The following SEMA4B variants were observed in gnomAD, a reference collection of about 807,000 sequenced individuals.
SEMA4B encodes semaphorin 4B.
In SEMA4B, 55 loss-of-function variants were observed where a neutral mutation model predicts 88.1. The observed-to-expected ratio is 0.62, with a 90% CI of 0.50 to 0.78. The LOEUF (loss-of-function observed/expected upper bound fraction) is 0.78. Among genes scored for constraint, SEMA4B ranks in the 30% least tolerant of loss-of-function variants. SEMA4B has a pLI of 0.00. For synonymous variants in SEMA4B, 525 were observed against 473.6 expected, an observed-to-expected ratio of 1.11 and a Z score of -1.41; for missense variants, 1,062 against 1,111.9, an observed-to-expected ratio of 0.96 and a Z score of 0.64.
rs1370442865 is a variant in SEMA4B, at chr15:90,225,084, G to A, written c.1311G>A (p.Met437Ile). 1 of 1,613,500 alleles carries A rather than the reference G, an allele frequency of 6.2e-7. No homozygotes were observed. The highest frequency in any genetic ancestry group is 2.2e-5 in the East Asian group (1 of 44,896). ...TGGACGGGCAGGTCCGAAGCCGCAT[G>A]CTGCTGCTGCAGCCCCAGGCTCGCT... ...FLMDGQVRSRMLLLQPQARYQ... is the reference protein window; with the variant it reads ...FLMDGQVRSRILLLQPQARYQ... Residue 437 changes from methionine (M) to isoleucine (I), a missense_variant, in exon 10 of 14, where the codon ATG (methionine) becomes ATA (isoleucine). Met to Ile is a conservative substitution (Grantham distance 10, BLOSUM62 1). Coordinates refer to ENST00000411539, the MANE Select transcript of SEMA4B (RefSeq NM_198925.4).
At chr15:90,197,378 A>G (rs1960544426), upstream of SEMA4B, among the ~76,000 whole-genome samples, 1 of 152,012 alleles carries the variant, frequency 6.6e-6, no homozygotes, top group African/African-American at 2.4e-5. Context: ...TGACAGAGTG[A>G]GACCCTCTCT....
chr15:90,185,349 A>G (rs1348493408), intron 1 of SEMA4B, among the ~76,000 whole-genome samples: 1 of 152,008 alleles, frequency 6.6e-6, no homozygotes, highest in Non-Finnish European at 1.5e-5. Context: ...CCAGTGCACC[A>G]CCCCTACTCC....
At chr15:90,208,833 C>T (rs566608362) in intron 1 of SEMA4B, among the ~76,000 whole-genome samples, 66 of 152,020 alleles carry the variant, frequency 4.3e-4, no homozygotes, top group South Asian at 4.2e-3. Context: ...CCTCCACCTC[C>T]CAGGCTTAAG....
At chr15:90,202,752 A>G (rs1210131571) in intron 1 of SEMA4B, among the ~76,000 whole-genome samples, 1 of 152,196 alleles carries the variant, frequency 6.6e-6, no homozygotes, top group Non-Finnish European at 1.5e-5. Flanking sequence ...TGGTTGTCAT[A>G]TTGTATGACT....
At chr15:90,196,545 G>A (rs1377412474), upstream of SEMA4B, among the ~76,000 whole-genome samples, 1 of 152,036 alleles carries the variant, frequency 6.6e-6, no homozygotes, top group East Asian at 1.9e-4. Context: ...GGAGTGCAGT[G>A]GCGTGATCTC....
Position 90,214,633 on chromosome 15 carries a change from C to CAAAAAAAA in SEMA4B, c.158-2792_158-2785dup, listed in dbSNP as rs766089827. ...GGGCAACAACAGCAAAACACCATCT[C>CAAAAAAAA]AAAAAAAAAAAAAAAAAAAAAGGCT... is the stretch of plus-strand genomic sequence containing the variant. On this transcript the variant is annotated intron_variant, in intron 1 of 13. Transcript: ENST00000411539. Among the ~76,000 whole-genome samples, 7 of 94,272 alleles carry CAAAAAAAA rather than the reference C, an allele frequency of 7.4e-5. 3 individuals are homozygous for CAAAAAAAA. Among genetic ancestry groups the CAAAAAAAA allele is most frequent in the African/African-American group, 1.3e-4 (3 of 23,930 alleles). The allele number at this position is 94,272 out of a possible 152,430, so 61.8% of individuals were successfully genotyped here.
At position 90,194,699 on chromosome 15, in the gene SEMA4B, C is replaced by G. The variant is rs375813225; in HGVS notation, c.-121-6759C>G. Among the ~76,000 whole-genome samples, 3 of 152,268 alleles carry G rather than the reference C, an allele frequency of 2.0e-5. No homozygotes were observed. In the East Asian group the frequency reaches 5.8e-4, roughly 29 times the overall value. ...TATAGGTGTGAGCCACCGTGCCTGG[C>G]TGTCACCCATTTTTGTTTAATCACT... On this transcript the variant is annotated intron_variant, in intron 1 of 14. Coordinates refer to the SEMA4B transcript ENST00000332496.
chr15:90,191,407 A>G (rs1308224967), intron 1 of SEMA4B, among the ~76,000 whole-genome samples: 1 of 152,194 alleles, frequency 6.6e-6, no homozygotes, highest in East Asian at 1.9e-4. Context: ...CCATGGGGCA[A>G]CTTTCATGGG....
upstream of SEMA4B, among the ~76,000 whole-genome samples, chr15:90,198,110 T>C (rs1251627783): frequency 6.6e-6 from 1 of 151,092 alleles, no homozygotes; most frequent in Admixed American, 6.6e-5. Flanking sequence ...TTTGTATTTT[T>C]ATTAGAGACG....
At chr15:90,226,642 A>T (rs535256210) in intron 12 of SEMA4B, among the ~76,000 whole-genome samples, 3 of 152,188 alleles carry the variant, frequency 2.0e-5, no homozygotes, top group Non-Finnish European at 2.9e-5. Flanking sequence ...CGTCTGGCCA[A>T]ACATTCATAT....
At chr15:90,188,707 C>G (rs189341507) in intron 1 of SEMA4B, among the ~76,000 whole-genome samples, 1 of 152,014 alleles carries the variant, frequency 6.6e-6, no homozygotes, top group Non-Finnish European at 1.5e-5. Context: ...GACAGAGTCT[C>G]GCTCACTCTG....
Position 90,228,616 on chromosome 15 carries a change from C to T in SEMA4B, c.2487C>T (p.Gly829=), listed in dbSNP as rs1044241. Residue 829 remains glycine (G), a synonymous_variant, in exon 14 of 14, where the codon GGC becomes GGT. Transcript: ENST00000411539. ...PVCPRPRVRL[G]SEIRDSVV ...GCCCCCGGCCCCGGGTCCGCCTTGG[C>T]TCGGAGATCCGTGACTCTGTGGTGT... 2 of 1,613,442 alleles carry T rather than the reference C, an allele frequency of 1.2e-6. No individual in the cohort carries two copies. The highest frequency in any genetic ancestry group is 1.7e-4 in the Middle Eastern group (1 of 6,060).
chr15:90,207,381 A>G (rs1249992950), intron 1 of SEMA4B, among the ~76,000 whole-genome samples: 1 of 151,812 alleles, frequency 6.6e-6, no homozygotes, highest in African/African-American at 2.4e-5. Flanking sequence ...AAATTAGCCA[A>G]CTCGTGTCCT....
chr15:90,228,690 G>T lies in SEMA4B; in HGVS notation c.*47G>T. 6.2e-7 allele frequency: 1 copy of T among 1,608,504 alleles called. No homozygotes were observed. On this transcript the variant is annotated 3_prime_UTR_variant, in exon 14 of 14. Coordinates refer to ENST00000411539, the MANE Select transcript of SEMA4B (RefSeq NM_198925.4). ...TGCCCTGGCTTCAGGGGCTGTGAAT[G>T]CTCGGAGAGGGTCAACTGGACCTCC...
upstream of SEMA4B, among the ~76,000 whole-genome samples, chr15:90,198,261 TC>T (rs2151589719): frequency 6.6e-6 from 1 of 152,312 alleles, no homozygotes; most frequent in South Asian, 2.1e-4. Context: ...AAAAAATAGT[TC>T]TGGTTGTCAG....
At chr15:90,203,971 C>T (rs1278451659) in intron 1 of SEMA4B, among the ~76,000 whole-genome samples, 1 of 151,016 alleles carries the variant, frequency 6.6e-6, no homozygotes, top group Non-Finnish European at 1.5e-5. Context: ...TGGGCTTCCT[C>T]CTGGCCCTCA....
chr15:90,197,952 A>C (rs1421659971), upstream of SEMA4B, among the ~76,000 whole-genome samples: 5 of 146,352 alleles, frequency 3.4e-5, no homozygotes, highest in African/African-American at 1.3e-4. Flanking sequence ...TTTGAGATGG[A>C]GTCTCGCTCT....
Position 90,221,112 on chromosome 15 carries a change from A to G in SEMA4B, c.595+19A>G, listed in dbSNP as rs755031178. 4 of 1,555,980 alleles carry G rather than the reference A, an allele frequency of 2.6e-6. No homozygotes were observed. The South Asian group carries it at 4.6e-5, about 18-fold the overall frequency. ...GTGGTTGGTGAGTGTTGAGGGCAGGATGGCTTCATTGAGGTTCCATGTAGG... is the reference window on the plus strand; with the variant it reads ...GTGGTTGGTGAGTGTTGAGGGCAGGGTGGCTTCATTGAGGTTCCATGTAGG... On this transcript the variant is annotated intron_variant, in intron 5 of 13. Transcript: ENST00000411539.
chr15:90,196,128 CCGTG>C (rs1960497436), intron 1 of SEMA4B, among the ~76,000 whole-genome samples: 7 of 147,868 alleles, frequency 4.7e-5, no homozygotes, highest in Non-Finnish European at 8.9e-5. Context: ...CGGGGTTTCA[CCGTG>C]TTAGCCAGGA....
Sources: gnomAD v4.1 joint callset for allele counts (sites outside exome capture counted in the v4.1 genomes callset) on GRCh38, gnomAD v4.1.1 for gene constraint, MANE v1.5 for transcripts, NCBI Gene and HGNC (gene_info 2026-07-23, HGNC 2026-07-21) for gene names.